NEDD4L: variants seen among roughly 807,000 people sequenced by gnomAD.
The protein encoded by NEDD4L is NEDD4 like E3 ubiquitin protein ligase.
A neutral mutation model predicts 148.9 loss-of-function variants in NEDD4L; 54 were observed. That is an observed-to-expected ratio of 0.36 (90% confidence interval 0.29 to 0.45). The LOEUF is 0.45. Ranked by LOEUF, NEDD4L falls within the 20% of genes least tolerant of loss-of-function variation. NEDD4L has a pLI of 1.00. For missense variants in NEDD4L, 856 were observed against 1,233.8 expected, an observed-to-expected ratio of 0.69 and a Z score of 4.59; for synonymous variants, 433 against 440.7, an observed-to-expected ratio of 0.98 and a Z score of 0.22.
intron 2 of NEDD4L, among the ~76,000 whole-genome samples, chr18:58,217,248 C>A (rs2043242941): frequency 6.6e-6 from 1 of 152,200 alleles, no homozygotes; most frequent in Non-Finnish European, 1.5e-5. Context: ...TATCACCAAA[C>A]CTTGCCTGTG....
At chr18:58,171,771 T>G (rs8094453) in intron 2 of NEDD4L, among the ~76,000 whole-genome samples, 37,392 of 152,148 alleles carry the variant, frequency 0.25, 5,360 homozygotes, top group East Asian at 0.43. Context: ...AGGTGCTTAT[T>G]TCTCATTCTC....
chr18:58,186,846 C>G (rs139490157), intron 2 of NEDD4L, among the ~76,000 whole-genome samples: 1 of 152,196 alleles, frequency 6.6e-6, no homozygotes, highest in African/African-American at 2.4e-5. Flanking sequence ...GGTCTGCAGC[C>G]CTGGCATTTC....
chr18:58,315,093 G>A (rs2058117154), intron 5 of NEDD4L, among the ~76,000 whole-genome samples: 1 of 152,182 alleles, frequency 6.6e-6, no homozygotes, highest in Admixed American at 6.5e-5. Flanking sequence ...GAACTGCCCA[G>A]CTTTTACGCA....
At chr18:58,190,387 A>T (rs2039976118) in intron 2 of NEDD4L, among the ~76,000 whole-genome samples, 1 of 152,234 alleles carries the variant, frequency 6.6e-6, no homozygotes, top group African/African-American at 2.4e-5. Context: ...GGAATAGTAT[A>T]AAGCCATTAG....
At chr18:58,105,806 T>C (rs1174612771) in intron 1 of NEDD4L, among the ~76,000 whole-genome samples, 1 of 152,198 alleles carries the variant, frequency 6.6e-6, no homozygotes, top group Admixed American at 6.5e-5. Flanking sequence ...CATTTTTCAG[T>C]GGTACTTTTT....
chr18:58,191,200 A>C (rs1379746453), intron 2 of NEDD4L, among the ~76,000 whole-genome samples: 3 of 152,252 alleles, frequency 2.0e-5, no homozygotes. Flanking sequence ...TGGACTGTTG[A>C]TAATTATAAG....
chr18:58,160,736 T>C (rs985953968), intron 1 of NEDD4L, among the ~76,000 whole-genome samples: 4 of 152,254 alleles, frequency 2.6e-5, no homozygotes, highest in South Asian at 2.1e-4. Flanking sequence ...ATGACGATGG[T>C]TGCTTATCTG....
chr18:58,049,415 G>C (rs1431597307), intron 1 of NEDD4L, among the ~76,000 whole-genome samples: 1 of 152,218 alleles, frequency 6.6e-6, no homozygotes, highest in Non-Finnish European at 1.5e-5. Flanking sequence ...GTGCAAAACG[G>C]TGAGGACAAG....
chr18:58,233,098 A>G (rs1298884038), intron 2 of NEDD4L, among the ~76,000 whole-genome samples: 1 of 152,252 alleles, frequency 6.6e-6, no homozygotes, highest in African/African-American at 2.4e-5. Flanking sequence ...TATTCTAGGC[A>G]TCTTGTATAA....
rs2059713801 is a variant in NEDD4L at position 58,330,650 on chromosome 18, G to A, written c.814-88G>A. 4 of 1,011,248 alleles carry A rather than the reference G, an allele frequency of 4.0e-6. No homozygotes were observed. In the Admixed American group the frequency reaches 9.2e-5, roughly 23 times the overall value. The allele number at this position is 1,011,248 out of a possible 1,614,324, so 62.6% of individuals were successfully genotyped here. On this transcript the variant is annotated intron_variant, in intron 10 of 30. Transcript: ENST00000400345. ...AGGTGTTAATTATAGTTATCACCGGGGCTATTGTTGTTACATGGTTTCATT... is the reference window on the plus strand; with the variant it reads ...AGGTGTTAATTATAGTTATCACCGGAGCTATTGTTGTTACATGGTTTCATT...
rs372139884 is a variant in NEDD4L, at chr18:58,377,343, G to T, written c.2352+4074G>T. On this transcript the variant is annotated intron_variant, in intron 24 of 30. Transcript: ENST00000400345. ...ACAGTGGGGCAAAGCAAGTGCAGTTGTCATGGGGTGAAACAGACATGCAGT... is the reference window on the plus strand; with the variant it reads ...ACAGTGGGGCAAAGCAAGTGCAGTTTTCATGGGGTGAAACAGACATGCAGT... 5.3e-5 allele frequency among the ~76,000 whole-genome samples: 8 copies of T among 152,336 alleles called. No individual in the cohort carries two copies. The South Asian group carries it at 8.3e-4, about 16-fold the overall frequency.
intron 1 of NEDD4L, among the ~76,000 whole-genome samples, chr18:58,124,180 G>C (rs530534321): frequency 7.9e-5 from 12 of 152,242 alleles, no homozygotes; most frequent in East Asian, 1.9e-4. Flanking sequence ...GTGACAAGCT[G>C]TCCCTTCTGA....
At chr18:58,217,380 G>T (rs534014403) in intron 2 of NEDD4L, among the ~76,000 whole-genome samples, 65 of 152,288 alleles carry the variant, frequency 4.3e-4, no homozygotes, top group Admixed American at 3.9e-3. Flanking sequence ...AGAAACTTGG[G>T]TCTCCTCTAC....
intron 1 of NEDD4L, among the ~76,000 whole-genome samples, chr18:58,053,760 A>G (rs1382217141): frequency 1.3e-5 from 2 of 152,202 alleles, no homozygotes; most frequent in Admixed American, 6.5e-5. Context: ...AAATGCTGAG[A>G]TTGTTGTAAT....
In NEDD4L at chr18:58,044,635, C is replaced by T. The variant is rs113358301; in HGVS notation, c.-26C>T. ...CGCAGCACAGCCGCTGGGAGCGCCTCAGACCCCGCGCGGGGCGCCGGCTCC... is the reference window on the plus strand; with the variant it reads ...CGCAGCACAGCCGCTGGGAGCGCCTTAGACCCCGCGCGGGGCGCCGGCTCC... On this transcript the variant is annotated 5_prime_UTR_variant, in exon 1 of 31. Coordinates refer to ENST00000400345, the MANE Select transcript of NEDD4L (RefSeq NM_001144967.3). The T allele has an allele frequency of 0.06, 96,293 of 1,593,310 alleles. 3,260 individuals carry two copies. Among genetic ancestry groups the T allele is most frequent in the African/African-American group, 0.12 (8,923 of 73,246 alleles).
At chr18:58,291,027 C>T (rs1391811747) in intron 5 of NEDD4L, among the ~76,000 whole-genome samples, 2 of 145,294 alleles carry the variant, frequency 1.4e-5, no homozygotes, top group African/African-American at 2.6e-5. Flanking sequence ...CATGGTCACA[C>T]AGAGAGAGAA....
chr18:58,172,331 GT>G (rs765206902), intron 2 of NEDD4L, among the ~76,000 whole-genome samples: 3 of 152,198 alleles, frequency 2.0e-5, no homozygotes, highest in Non-Finnish European at 4.4e-5. Context: ...ACGCTCTGTG[GT>G]GGGGCAGGGA....
intron 27 of NEDD4L, 181 bp from the exon 28 acceptor site, chr18:58,388,904 C>G: frequency 1.6e-6 from 1 of 620,124 alleles, no homozygotes; most frequent in Non-Finnish European, 3.0e-6. Flanking sequence ...ACTGCTGCCT[C>G]TGTGATCTGC....
chr18:58,346,314 G>A (rs1242253610), intron 16 of NEDD4L, among the ~76,000 whole-genome samples: 1 of 152,212 alleles, frequency 6.6e-6, no homozygotes, highest in Non-Finnish European at 1.5e-5. Context: ...GCTTATTGGA[G>A]CATTTCAGAT....
Sources: allele counts gnomAD v4.1 joint callset (sites outside exome capture counted in the v4.1 genomes callset), GRCh38; gene constraint gnomAD v4.1.1; transcripts MANE v1.5; gene names NCBI Gene and HGNC (gene_info 2026-07-23, HGNC 2026-07-21).